SSH1: variants seen among roughly 807,000 people sequenced by gnomAD.
The protein encoded by SSH1 is protein phosphatase Slingshot homolog 1.
SSH1 carries 43 observed loss-of-function variants against 79.7 expected under a neutral mutation model. That is an observed-to-expected ratio of 0.54 (90% CI 0.42 to 0.70). SSH1 has a LOEUF of 0.70. Ranked by LOEUF, SSH1 falls within the 30% of genes least tolerant of loss-of-function variation. The pLI, the probability that SSH1 is intolerant of heterozygous loss-of-function variation, is 0.00. For missense variants in SSH1, 1,206 were observed against 1,358.8 expected (o/e 0.89, Z 1.77); for synonymous variants, 599 against 538.3 (o/e 1.11, Z -1.56).
At chr12:108,809,668 TAA>T (rs2037476164) in intron 7 of SSH1, 23 bp downstream of exon 7, 1 of 1,603,104 alleles carries the variant, frequency 6.2e-7, no homozygotes, top group African/African-American at 1.3e-5. Flanking sequence ...TCTAGGGAGT[TAA>T]AAGTCCCTAA....
intron 7 of SSH1, among the ~76,000 whole-genome samples, chr12:108,808,094 C>T (rs538558138): frequency 6.6e-5 from 10 of 152,300 alleles, no homozygotes; most frequent in East Asian, 1.9e-4. Flanking sequence ...CCCACCACCA[C>T]GCCCAGCTAA....
At chr12:108,846,274 G>A (rs984398984) in intron 2 of SSH1, among the ~76,000 whole-genome samples, 3 of 151,932 alleles carry the variant, frequency 2.0e-5, no homozygotes, top group Admixed American at 1.3e-4. Context: ...CCACGTTCCC[G>A]CAATTGACTT....
In SSH1 at chr12:108,785,501, C is replaced by T. The variant is rs1022388802; in HGVS notation, c.*2487G>A. 5 of 152,178 alleles carry T rather than the reference C, an allele frequency of 3.3e-5. No homozygotes were observed. The highest frequency in any genetic ancestry group is 1.2e-4 in the African/African-American group (5 of 41,450). The allele number at this position is 152,178 out of a possible 1,614,324, so 9.4% of individuals were successfully genotyped here. ...TGGGTTTCCAAAAATAAACCTTACC[C>T]TTTTCTCCAGGCCAGGCTATTAAGC... is the stretch of plus-strand genomic sequence containing the variant. On this transcript the variant is annotated 3_prime_UTR_variant, in exon 15 of 15. Coordinates refer to ENST00000326495, the MANE Select transcript of SSH1 (RefSeq NM_018984.4).
intron 2 of SSH1, among the ~76,000 whole-genome samples, chr12:108,831,890 T>G (rs574818294): frequency 4.7e-4 from 71 of 152,326 alleles, no homozygotes; most frequent in African/African-American, 1.4e-3. Flanking sequence ...AATTCAAGTT[T>G]CAGAATGTGC....
intron 2 of SSH1, among the ~76,000 whole-genome samples, 170 bp from the exon 3 acceptor site, chr12:108,823,531 T>C (rs2038204497): frequency 6.6e-6 from 1 of 152,210 alleles, no homozygotes; most frequent in Non-Finnish European, 1.5e-5. Context: ...AAACCTTGCT[T>C]TTGCTAAAAG....
At position 108,840,676 on chromosome 12, in the gene SSH1, C is replaced by T. The variant is rs116893352; in HGVS notation, c.110+11962G>A. ...CTCATCTCAGGAATTTTCTAATAAG[C>T]TGTCTAAATCCAGAGATCCGACCAC... is the stretch of plus-strand genomic sequence containing the variant. On this transcript the variant is annotated intron_variant, in intron 2 of 14. Coordinates refer to ENST00000326495, the MANE Select transcript of SSH1 (RefSeq NM_018984.4). Among the ~76,000 whole-genome samples the T allele has an allele frequency of 3.6e-3, 552 of 152,326 alleles. 1 individual carries two copies. Among genetic ancestry groups the T allele is most frequent in the Non-Finnish European group, 5.2e-3 (355 of 68,028 alleles).
At chr12:108,823,668 CTTCT>C (rs1264126524) in intron 2 of SSH1, among the ~76,000 whole-genome samples, 29 of 152,126 alleles carry the variant, frequency 1.9e-4, no homozygotes, top group African/African-American at 6.3e-4. Context: ...ATAACATTTT[CTTCT>C]TTCTTTTTTT....
chr12:108,788,689 G>C lies in SSH1; in HGVS notation c.2449C>G (p.Gln817Glu), dbSNP rs373903067. 3.1e-6 allele frequency: 5 copies of C among 1,614,064 alleles called. No individual in the cohort carries two copies. The highest frequency in any genetic ancestry group is 2.7e-5 in the African/African-American group (2 of 74,948). The change falls in exon 15 of 15, where the codon CAG becomes GAG. Residue 817 changes from glutamine to glutamate, a missense_variant. Gln to Glu is a conservative substitution (Grantham distance 29). Coordinates refer to ENST00000326495, the MANE Select transcript of SSH1 (RefSeq NM_018984.4). Reference sequence around the variant, plus strand: ...TGCTTGCGGACCAAGCCTGCCTTCTGCAGCTGAATGATGGACTCCTGGTGC... The same window carrying C: ...TGCTTGCGGACCAAGCCTGCCTTCTCCAGCTGAATGATGGACTCCTGGTGC... ...MQHQESIIQL[Q>E]KAGLVRKHTK...
In SSH1 at chr12:108,823,370, G is replaced by T; in HGVS notation, c.111-9C>A. The T allele has an allele frequency of 6.4e-7, 1 of 1,557,780 alleles. No individual in the cohort carries two copies. The highest frequency in any genetic ancestry group is 1.9e-5 in the Admixed American group (1 of 51,588). On this transcript the variant is annotated splice_polypyrimidine_tract_variant and intron_variant, in intron 2 of 14. Transcript: ENST00000326495. ...AAAAGCTCTCACTTAAGCTGGGAAG[G>T]ATAAGACCAGAGCACAGTTAGACCG...
At chr12:108,848,422 C>T (rs910282925) in intron 2 of SSH1, among the ~76,000 whole-genome samples, 3 of 152,188 alleles carry the variant, frequency 2.0e-5, no homozygotes, top group African/African-American at 7.2e-5. Context: ...TCCAGTTTTT[C>T]TCCCTACAGC....
chr12:108,833,472 G>C (rs989852406), intron 2 of SSH1, among the ~76,000 whole-genome samples: 2 of 152,214 alleles, frequency 1.3e-5, no homozygotes, highest in African/African-American at 4.8e-5. Flanking sequence ...GACTGTCCCA[G>C]GTTCTCAGCC....
At chr12:108,827,393 G>A (rs758321032) in intron 2 of SSH1, 33 of 1,502,778 alleles carry the variant, frequency 2.2e-5, no homozygotes, top group East Asian at 1.5e-4. Flanking sequence ...ACTGCCCTCC[G>A]AGCTCTGGCC....
chr12:108,790,604 CTT>C (rs895820056), intron 14 of SSH1, among the ~76,000 whole-genome samples: 1 of 152,134 alleles, frequency 6.6e-6, no homozygotes, highest in Non-Finnish European at 1.5e-5. Flanking sequence ...TCTCATCTGT[CTT>C]TATGGGTATT....
intron 5 of SSH1, among the ~76,000 whole-genome samples, chr12:108,813,334 G>A (rs1183719454): frequency 1.3e-5 from 2 of 152,120 alleles, no homozygotes; most frequent in Non-Finnish European, 2.9e-5. Context: ...AGACCCCATC[G>A]TGGAGTCCTT....
At chr12:108,835,876 ATAT>A (rs2137239528) in intron 2 of SSH1, among the ~76,000 whole-genome samples, 1 of 134,546 alleles carries the variant, frequency 7.4e-6, no homozygotes, top group Admixed American at 8.0e-5. Flanking sequence ...TATACATATT[ATAT>A]TAATTAATTA....
intron 12 of SSH1, among the ~76,000 whole-genome samples, chr12:108,800,043 T>C (rs1021814880): frequency 2.0e-5 from 3 of 152,168 alleles, no homozygotes; most frequent in African/African-American, 7.2e-5. Flanking sequence ...GAAGTTTCCG[T>C]CAAGGGAGTC....
chr12:108,792,898 G>T, intron 13 of SSH1, 69 bp from the exon 14 acceptor site: 2 of 1,598,070 alleles, frequency 1.3e-6, no homozygotes, highest in African/African-American at 1.3e-5. Flanking sequence ...GGAAGAGTAT[G>T]CGGTGAGCCA....
intron 2 of SSH1, among the ~76,000 whole-genome samples, chr12:108,828,634 G>A (rs908248229): frequency 6.6e-6 from 1 of 152,114 alleles, no homozygotes; most frequent in Admixed American, 6.6e-5. Context: ...AGACTGTGCC[G>A]GGGTTCTTCC....
intron 2 of SSH1, among the ~76,000 whole-genome samples, chr12:108,831,215 A>G (rs570441314): frequency 6.6e-6 from 1 of 152,196 alleles, no homozygotes; most frequent in African/African-American, 2.4e-5. Context: ...TTTTCCCTGG[A>G]TAGAACTAAC....
Sources: allele counts gnomAD v4.1 joint callset (sites outside exome capture counted in the v4.1 genomes callset), GRCh38; gene constraint gnomAD v4.1.1; transcripts MANE v1.5; gene names NCBI Gene and HGNC (gene_info 2026-07-23, HGNC 2026-07-21).